STX17: variants seen among roughly 807,000 people sequenced by gnomAD.
STX17 encodes the protein syntaxin 17, also known as syntaxin-17.
A neutral mutation model predicts 35.9 loss-of-function variants in STX17; 29 were observed. The observed-to-expected ratio is 0.81, with a 90% CI of 0.60 to 1.10. The LOEUF is 1.10. STX17 is among the 50% of genes least tolerant of loss of function. The pLI is 0.00. For synonymous variants in STX17, 92 were observed against 118.3 expected (o/e 0.78, Z 1.44); for missense variants, 312 against 352.3 (o/e 0.89, Z 0.92).
intron 2 of STX17, among the ~76,000 whole-genome samples, chr9:99,921,568 C>T (rs1828888380): frequency 6.7e-6 from 1 of 150,308 alleles, no homozygotes; most frequent in African/African-American, 2.5e-5. Context: ...CCAGAGCACA[C>T]TGGTATACTG....
chr9:99,915,352 A>C lies in STX17; in HGVS notation c.113A>C (p.Asn38Thr). The change falls in exon 2 of 8, where the codon AAT becomes ACT. Residue 38 changes from asparagine to threonine, a missense_variant. Transcript: ENST00000259400. Reference protein sequence around the residue: ...DLERLRKHQINIEKYQRCRIW... With the variant: ...DLERLRKHQITIEKYQRCRIW... ...GAAAGGTTAAGAAAGCACCAGATAA[A>C]TATTGAGAAGGTGAGCTGTTTCATT... 1 of 1,599,050 alleles carries C rather than the reference A, an allele frequency of 6.3e-7. No homozygotes were observed. Among genetic ancestry groups the C allele is most frequent in the South Asian group, 1.1e-5 (1 of 88,132 alleles).
intron 3 of STX17, among the ~76,000 whole-genome samples, chr9:99,931,493 CTT>C (rs5899396): frequency 4.7e-4 from 68 of 144,280 alleles, no homozygotes; most frequent in South Asian, 1.5e-3. Flanking sequence ...TCATTTTGCT[CTT>C]TTTTTTTTTT....
At chr9:99,920,907 A>T (rs767199672) in intron 2 of STX17, among the ~76,000 whole-genome samples, 9 of 152,204 alleles carry the variant, frequency 5.9e-5, no homozygotes, top group Non-Finnish European at 1.3e-4. Flanking sequence ...GTAATAAGAA[A>T]TAAGTTCATC....
intron 3 of STX17, among the ~76,000 whole-genome samples, chr9:99,942,399 C>T (rs1470566469): frequency 6.6e-6 from 1 of 152,164 alleles, no homozygotes. Flanking sequence ...TACTTTTTCA[C>T]TGTCTTAGTG....
intron 3 of STX17, among the ~76,000 whole-genome samples, chr9:99,944,516 ATT>A (rs35679073): frequency 7.6e-4 from 108 of 142,396 alleles, no homozygotes; most frequent in African/African-American, 8.5e-4. Context: ...AGGTCAAAGC[ATT>A]TTTTTTTTTT....
At chr9:99,911,039 T>C (rs1828650949) in intron 1 of STX17, among the ~76,000 whole-genome samples, 1 of 151,984 alleles carries the variant, frequency 6.6e-6, no homozygotes, top group Non-Finnish European at 1.5e-5. Flanking sequence ...TCATTCTTTT[T>C]TTTTTTTTTC....
chr9:99,912,393 C>T (rs1197870148), intron 1 of STX17, among the ~76,000 whole-genome samples: 1 of 151,536 alleles, frequency 6.6e-6, no homozygotes, highest in Non-Finnish European at 1.5e-5. Flanking sequence ...AAAAAAATAC[C>T]TTTTGGTCAT....
At chr9:99,924,800 C>T (rs10117638) in intron 2 of STX17, among the ~76,000 whole-genome samples, 61,083 of 151,652 alleles carry the variant, frequency 0.4, 13,079 homozygotes, top group East Asian at 0.7. Context: ...CTGGCTAGGG[C>T]CTCCAGTATG....
At chr9:99,957,729 C>A (rs1310130497) in intron 4 of STX17, among the ~76,000 whole-genome samples, 1 of 150,326 alleles carries the variant, frequency 6.7e-6, no homozygotes, top group African/African-American at 2.4e-5. Flanking sequence ...TCTTGGCTCA[C>A]TGCAACCTCT....
intron 3 of STX17, among the ~76,000 whole-genome samples, chr9:99,944,920 G>T (rs1829448463): frequency 6.6e-6 from 1 of 152,070 alleles, no homozygotes; most frequent in Non-Finnish European, 1.5e-5. Context: ...TTTTATTAAT[G>T]ATTTCAAGTT....
chr9:99,925,610 A>T lies in STX17; in HGVS notation c.124-3168A>T, dbSNP rs192028845. Among the ~76,000 whole-genome samples, 13 of 152,226 alleles carry T rather than the reference A, an allele frequency of 8.5e-5. No individual in the cohort carries two copies. The East Asian group carries it at 2.3e-3, about 27-fold the overall frequency. ...TTTATTTTGCCTTATTTAAAAAACA[A>T]CTTTCTCTGGGGATAGAATTCTAGG... is the stretch of plus-strand genomic sequence containing the variant. On this transcript the variant is annotated intron_variant, in intron 2 of 7. Coordinates refer to ENST00000259400, the MANE Select transcript of STX17 (RefSeq NM_017919.3).
intron 1 of STX17, among the ~76,000 whole-genome samples, chr9:99,909,084 C>T (rs550317014): frequency 7.9e-5 from 12 of 152,314 alleles, no homozygotes; most frequent in Non-Finnish European, 1.6e-4. Context: ...TTCAGGATTT[C>T]TGACCTATGT....
intron 3 of STX17, among the ~76,000 whole-genome samples, chr9:99,943,837 G>A (rs565706259): frequency 2.0e-5 from 3 of 152,184 alleles, no homozygotes; most frequent in African/African-American, 7.2e-5. Context: ...GTTAGAGGAT[G>A]GTCTTTTTCT....
chr9:99,912,789 GT>G (rs1828690006), intron 1 of STX17, among the ~76,000 whole-genome samples: 1 of 152,040 alleles, frequency 6.6e-6, no homozygotes, highest in South Asian at 2.1e-4. Context: ...CAAAATAAAT[GT>G]TTTATTTTCT....
intron 1 of STX17, among the ~76,000 whole-genome samples, chr9:99,909,251 T>A (rs1171634691): frequency 6.6e-6 from 1 of 152,244 alleles, no homozygotes; most frequent in East Asian, 1.9e-4. Flanking sequence ...TATAATACAG[T>A]TTATGTTTTT....
chr9:99,916,418 T>G (rs1038179821), intron 2 of STX17, among the ~76,000 whole-genome samples: 1 of 124,754 alleles, frequency 8.0e-6, no homozygotes, highest in African/African-American at 2.9e-5. Context: ...TTTATTTATT[T>G]ATTTATTTAT....
At chr9:99,951,354 T>C in intron 4 of STX17, 69 bp downstream of exon 4, 2 of 1,407,882 alleles carry the variant, frequency 1.4e-6, no homozygotes, top group South Asian at 2.5e-5. Flanking sequence ...CCTCCTTGAG[T>C]AGATACTGAA....
At chr9:99,925,513 T>C (rs1828970156) in intron 2 of STX17, among the ~76,000 whole-genome samples, 1 of 152,180 alleles carries the variant, frequency 6.6e-6, no homozygotes, top group Admixed American at 6.5e-5. Flanking sequence ...TGAAGTACTT[T>C]TTAAACATTC....
At chr9:99,949,202 A>G (rs1444371250) in intron 3 of STX17, among the ~76,000 whole-genome samples, 1 of 152,056 alleles carries the variant, frequency 6.6e-6, no homozygotes, top group Non-Finnish European at 1.5e-5. Flanking sequence ...CATTTCACAT[A>G]TTTTGAATCT....
Sources: allele counts gnomAD v4.1 joint callset (sites outside exome capture counted in the v4.1 genomes callset), GRCh38; gene constraint gnomAD v4.1.1; transcripts MANE v1.5; gene names NCBI Gene and HGNC (gene_info 2026-07-23, HGNC 2026-07-21).